DCAF6: variants seen among roughly 807,000 people sequenced by gnomAD.
DCAF6 encodes the protein DDB1 and CUL4 associated factor 6, also known as DDB1- and CUL4-associated factor 6.
DCAF6 carries 54 observed loss-of-function variants against 125.1 expected under a neutral mutation model. That is an observed-to-expected ratio of 0.43 (90% CI 0.35 to 0.54). The LOEUF (loss-of-function observed/expected upper bound fraction) is 0.54. Ranked by LOEUF, DCAF6 falls within the 20% of genes least tolerant of loss-of-function variation. The pLI, the probability that DCAF6 is intolerant of heterozygous loss-of-function variation, is 0.01. For synonymous variants in DCAF6, 371 were observed against 390.4 expected, an observed-to-expected ratio of 0.95 and a Z score of 0.58; for missense variants, 934 against 1,161.7, an observed-to-expected ratio of 0.80 and a Z score of 2.85.
At chr1:167,996,412 T>C (rs1382806378) in intron 7 of DCAF6, among the ~76,000 whole-genome samples, 1 of 152,202 alleles carries the variant, frequency 6.6e-6, no homozygotes, top group Non-Finnish European at 1.5e-5. Flanking sequence ...ATCTGACTAC[T>C]GCTTACCACC....
At chr1:167,937,086 G>A in intron 1 of DCAF6, 78 bp downstream of exon 1, 1 of 1,301,250 alleles carries the variant, frequency 7.7e-7, no homozygotes. Context: ...GGGTCTGTTG[G>A]AGGTGGGACG....
chr1:168,074,645 T>A (rs72699741), intron 21 of DCAF6, among the ~76,000 whole-genome samples: 3,188 of 152,254 alleles, frequency 0.021, 70 homozygotes, highest in South Asian at 0.032. Context: ...TATAAGATAT[T>A]CTAGAATGTG....
chr1:167,896,255 C>T, the DCAF6 span, among the ~76,000 whole-genome samples: 2 of 152,162 alleles, frequency 1.3e-5, no homozygotes, highest in Non-Finnish European at 2.9e-5. Flanking sequence ...GGTATAAATA[C>T]ATTTACAGAT....
At chr1:168,030,444 GA>G (rs1201851566) in intron 12 of DCAF6, among the ~76,000 whole-genome samples, 2 of 152,186 alleles carry the variant, frequency 1.3e-5, no homozygotes, top group Non-Finnish European at 2.9e-5. Context: ...AGAACAGAGG[GA>G]AGCTAATGAA....
rs577786320 is a variant in DCAF6 at position 168,002,688 on chromosome 1, T to C, written c.997+113T>C. On this transcript the variant is annotated intron_variant, in intron 8 of 21. Coordinates refer to ENST00000367840, the MANE Select transcript of DCAF6 (RefSeq NM_001198956.2). ...TCTGTAATGAACATTCTTATACATA[T>C]AGGTATACTTATGCAAATATATCTT... 1.2e-4 allele frequency: 85 copies of C among 697,268 alleles called. No individual in the cohort carries two copies. In the African/African-American group the frequency reaches 1.3e-3, roughly 11 times the overall value. The allele number at this position is 697,268 out of a possible 1,614,324, so 43.2% of individuals were successfully genotyped here.
intron 12 of DCAF6, among the ~76,000 whole-genome samples, chr1:168,026,432 G>A (rs1165478860): frequency 8.5e-5 from 13 of 152,114 alleles, no homozygotes; most frequent in Non-Finnish European, 1.3e-4. Flanking sequence ...ATTGGAAGGA[G>A]TAAGATTGAA....
chr1:167,945,796 G>C (rs974385164), intron 1 of DCAF6, among the ~76,000 whole-genome samples: 2 of 149,814 alleles, frequency 1.3e-5, no homozygotes, highest in African/African-American at 4.9e-5. Context: ...CACCACACCC[G>C]GCCTTTTTTT....
upstream of DCAF6, among the ~76,000 whole-genome samples, chr1:167,934,727 G>A (rs1671020187): frequency 6.6e-6 from 1 of 152,134 alleles, no homozygotes; most frequent in Non-Finnish European, 1.5e-5. Flanking sequence ...CTATGTAGGA[G>A]AATAAAAGCC....
the DCAF6 span, chr1:167,903,737 T>C: frequency 1.5e-6 from 1 of 658,792 alleles, no homozygotes. Flanking sequence ...TTATACTATA[T>C]CATATTTCAA....
intron 7 of DCAF6, among the ~76,000 whole-genome samples, chr1:167,997,741 G>A (rs1478985237): frequency 6.6e-6 from 1 of 152,094 alleles, no homozygotes; most frequent in Non-Finnish European, 1.5e-5. Context: ...CATGTGTCTG[G>A]TTACAGTTTA....
At chr1:167,993,959 A>G (rs1343798706) in intron 7 of DCAF6, among the ~76,000 whole-genome samples, 1 of 152,158 alleles carries the variant, frequency 6.6e-6, no homozygotes, top group Non-Finnish European at 1.5e-5. Context: ...ATAATTAGCA[A>G]TTAGTTACTA....
chr1:167,900,033 G>A, the DCAF6 span, among the ~76,000 whole-genome samples: 197 of 152,276 alleles, frequency 1.3e-3, 2 homozygotes, highest in African/African-American at 4.4e-3. Flanking sequence ...TTGAATTTTA[G>A]ACAACAAAGG....
intron 11 of DCAF6, among the ~76,000 whole-genome samples, chr1:168,020,134 A>G (rs1241317599): frequency 6.6e-6 from 1 of 152,224 alleles, no homozygotes; most frequent in Non-Finnish European, 1.5e-5. Flanking sequence ...ATAAACATTA[A>G]ATGACCCATT....
At chr1:168,021,737 A>G (rs1353954843) in intron 11 of DCAF6, among the ~76,000 whole-genome samples, 5 of 152,224 alleles carry the variant, frequency 3.3e-5, no homozygotes, top group African/African-American at 1.2e-4. Flanking sequence ...TTGAAATGGT[A>G]CCACTAGCAG....
the DCAF6 span, among the ~76,000 whole-genome samples, chr1:167,879,433 A>G: frequency 0.11 from 16,925 of 152,114 alleles, 2,970 homozygotes; most frequent in African/African-American, 0.38. Flanking sequence ...TTTGAAAACT[A>G]TTTATTGTGG....
chr1:167,903,284 C>G, the DCAF6 span, among the ~76,000 whole-genome samples: 1 of 148,774 alleles, frequency 6.7e-6, no homozygotes, highest in Non-Finnish European at 1.5e-5. Context: ...ATAAAAATAG[C>G]CGGGCACCCT....
At chr1:168,066,310 A>G in intron 19 of DCAF6, 67 bp from the exon 20 acceptor site, 1 of 971,624 alleles carries the variant, frequency 1.0e-6, no homozygotes, top group Admixed American at 2.4e-5. Context: ...ACATATATGC[A>G]TAATATAAGC....
chr1:168,067,250 A>G (rs972637853), intron 20 of DCAF6, among the ~76,000 whole-genome samples: 2 of 152,210 alleles, frequency 1.3e-5, no homozygotes, highest in Non-Finnish European at 2.9e-5. Context: ...GGCATTTATA[A>G]AACAGTTGAT....
intron 10 of DCAF6, among the ~76,000 whole-genome samples, chr1:168,011,991 A>G (rs764049107): frequency 3.3e-5 from 5 of 152,210 alleles, no homozygotes; most frequent in Admixed American, 3.3e-4. Flanking sequence ...GAAAGAAAGA[A>G]AGAAAGAAAC....
Sources: allele counts gnomAD v4.1 joint callset (sites outside exome capture counted in the v4.1 genomes callset), GRCh38; gene constraint gnomAD v4.1.1; transcripts MANE v1.5; gene names NCBI Gene and HGNC (gene_info 2026-07-23, HGNC 2026-07-21).